The following NLN variants were observed in gnomAD, a reference collection of about 807,000 sequenced individuals.
The protein encoded by NLN is neurolysin.
In NLN, 64 loss-of-function variants were observed where a neutral mutation model predicts 79.9. That is an observed-to-expected ratio of 0.80 (90% CI 0.65 to 0.99). NLN has a LOEUF of 0.99. NLN is among the 50% of genes least tolerant of loss of function. The pLI is 0.00. For synonymous variants in NLN, 267 were observed against 296.6 expected (o/e 0.90, Z 1.02); for missense variants, 835 against 858.7 (o/e 0.97, Z 0.34).
chr5:65,790,791 G>C (rs939810328), intron 8 of NLN, among the ~76,000 whole-genome samples: 2 of 151,988 alleles, frequency 1.3e-5, no homozygotes, highest in Non-Finnish European at 2.9e-5. Context: ...AAAGTATCAG[G>C]ATATAGTTTT....
rs774696374 is a variant in NLN at position 65,792,626 on chromosome 5, G to A, written c.1498G>A (p.Gly500Ser). 10 of 1,613,968 alleles carry A rather than the reference G, an allele frequency of 6.2e-6. No homozygotes were observed. The highest frequency in any genetic ancestry group is 8.5e-6 in the Non-Finnish European group (10 of 1,179,912). ...DEVRTYFHEF[G>S]HVMHQICAQT... ...GGTGAGGACTTACTTTCATGAGTTT[G>A]GTCACGTGATGCATCAGATTTGTGC... Residue 500 changes from glycine (G) to serine (S), a missense_variant, in exon 9 of 13, where the codon GGT (glycine) becomes AGT (serine). Gly to Ser is a moderately conservative substitution (Grantham distance 56, BLOSUM62 0). Coordinates refer to ENST00000380985, the MANE Select transcript of NLN (RefSeq NM_020726.5).
chr5:65,752,051 G>A (rs1759113755), intron 1 of NLN, among the ~76,000 whole-genome samples: 2 of 151,986 alleles, frequency 1.3e-5, no homozygotes, highest in South Asian at 4.1e-4. Context: ...ACCATCCTGG[G>A]CAACATGGGA....
intron 6 of NLN, among the ~76,000 whole-genome samples, 160 bp from the exon 7 acceptor site, chr5:65,785,615 A>AAAAAGCCTAT (rs1449296087): frequency 6.6e-6 from 1 of 151,884 alleles, no homozygotes; most frequent in African/African-American, 2.4e-5. Context: ...CAAAAAAAAA[A>AAAAAGCCTAT]AAAAAAGCCT....
intron 6 of NLN, among the ~76,000 whole-genome samples, chr5:65,783,170 G>A (rs1001412414): frequency 2.6e-5 from 4 of 152,156 alleles, no homozygotes; most frequent in African/African-American, 9.7e-5. Flanking sequence ...GGAGTTAATG[G>A]TTACAGAGTT....
At chr5:65,778,787 C>T (rs1053783657) in intron 4 of NLN, among the ~76,000 whole-genome samples, 1 of 152,100 alleles carries the variant, frequency 6.6e-6, no homozygotes, top group Admixed American at 6.6e-5. Context: ...TCCTTTCATT[C>T]CTAAAATGGC....
intron 1 of NLN, among the ~76,000 whole-genome samples, chr5:65,743,601 TTA>T (rs1172757107): frequency 1.3e-5 from 2 of 152,210 alleles, no homozygotes; most frequent in African/African-American, 4.8e-5. Flanking sequence ...AGTTCTAAGG[TTA>T]TGTCTGTATG....
At position 65,724,322 on chromosome 5, in the gene NLN, TC is replaced by T. The variant is rs1284630840; in HGVS notation, c.41+1911del. Among the ~76,000 whole-genome samples, 3 of 152,188 alleles carry T rather than the reference TC, an allele frequency of 2.0e-5. No homozygotes were observed. The South Asian group carries it at 6.2e-4, about 31-fold the overall frequency. The stretch of plus-strand genomic sequence containing the variant: ...TCTCTATGAATTTGAGTATTTCAGG[TC>T]CCTTATATAAGTGGAATTAGACAAT... On this transcript the variant is annotated intron_variant, in intron 1 of 12. Coordinates refer to ENST00000380985, the MANE Select transcript of NLN (RefSeq NM_020726.5).
chr5:65,773,065 G>A (rs998529547), intron 3 of NLN, among the ~76,000 whole-genome samples: 7 of 147,904 alleles, frequency 4.7e-5, no homozygotes, highest in Non-Finnish European at 1.0e-4. Context: ...TGATCCTCCC[G>A]CCTTGTCCTC....
In NLN at chr5:65,780,908, A is replaced by G. The variant is rs548402701; in HGVS notation, c.662-353A>G. 9.7e-4 allele frequency among the ~76,000 whole-genome samples: 147 copies of G among 152,196 alleles called. 2 individuals carry two copies. Among genetic ancestry groups the G allele is most frequent in the Non-Finnish European group, 1.2e-4 (8 of 67,992 alleles). The stretch of plus-strand genomic sequence containing the variant: ...AGAATGGTCTCGATTTCTTGACCTC[A>G]TGATCCACCCACTTCAGCCTCCCAA... On this transcript the variant is annotated intron_variant, in intron 5 of 12. Transcript: ENST00000380985.
At chr5:65,798,355 T>G (rs753012523) in intron 9 of NLN, among the ~76,000 whole-genome samples, 2 of 152,238 alleles carry the variant, frequency 1.3e-5, no homozygotes, top group Non-Finnish European at 2.9e-5. Context: ...TCCCATTCCA[T>G]GCACTGGAGA....
intron 1 of NLN, among the ~76,000 whole-genome samples, chr5:65,724,463 A>G (rs925342157): frequency 3.3e-5 from 5 of 152,204 alleles, no homozygotes; most frequent in East Asian, 1.9e-4. Context: ...GTATGTATAT[A>G]CCACATTTTG....
In NLN at chr5:65,730,257, C is replaced by T. The variant is rs550294302; in HGVS notation, c.41+7843C>T. 6.6e-5 allele frequency among the ~76,000 whole-genome samples: 10 copies of T among 152,088 alleles called. No homozygotes were observed. The South Asian group carries it at 1.2e-3, about 19-fold the overall frequency. The stretch of plus-strand genomic sequence containing the variant: ...AATGGGAAAGGGGAATGCTCAGTAC[C>T]GATAGGAAGGAAATTGTAGAGTCAA... On this transcript the variant is annotated intron_variant, in intron 1 of 12. Transcript: ENST00000380985.
rs1197012672 is a variant in NLN, at chr5:65,807,438, A to AT, written c.1528-2065dup. Among the ~76,000 whole-genome samples, 754 of 143,896 alleles carry AT rather than the reference A, an allele frequency of 5.2e-3. 4 individuals carry two copies. The highest frequency in any genetic ancestry group is 0.016 in the African/African-American group (629 of 39,434). The allele number at this position is 143,896 out of a possible 152,430, so 94.4% of individuals were successfully genotyped here. On this transcript the variant is annotated intron_variant, in intron 9 of 12. Coordinates refer to ENST00000380985, the MANE Select transcript of NLN (RefSeq NM_020726.5). ...GTCTTTGTGGGTGTTTTTGGTTTTG[A>AT]TTTTTTTTTTTTCTTTTTTTGAGAC...
rs1760943810 is a variant in NLN, at chr5:65,827,589, GC to G, written c.*4675del. On this transcript the variant is annotated 3_prime_UTR_variant, in exon 13 of 13. Coordinates refer to ENST00000380985, the MANE Select transcript of NLN (RefSeq NM_020726.5). ...GCTATTGAAACAGTCTGAGATAGTT[GC>G]ATGATGATTAACGTTAAACTGGGAG... is the stretch of plus-strand genomic sequence containing the variant. 2 of 152,136 alleles carry G rather than the reference GC, an allele frequency of 1.3e-5. No individual in the cohort carries two copies. Among genetic ancestry groups the G allele is most frequent in the Admixed American group, 6.5e-5 (1 of 15,272 alleles). The allele number at this position is 152,136 out of a possible 1,614,324, so 9.4% of individuals were successfully genotyped here. A position where few individuals can be genotyped will look rare whatever the true frequency, so the allele number is the denominator to read the frequency against.
In NLN at chr5:65,788,125, A is replaced by C. The variant is rs201553806; in HGVS notation, c.966A>C (p.Leu322Phe). ...TSRVTAFLDD[L>F]SQKLKPLGEA... ...TTTTCCTTTTCCTTACAGATGATTT[A>C]AGCCAGAAGTTAAAACCCTTGGGTG... Residue 322 changes from leucine to phenylalanine, a missense_variant, in exon 8 of 13, where the codon TTA (leucine) becomes TTC (phenylalanine). Physicochemically the swap from Leu to Phe is conservative, Grantham distance 22 (BLOSUM62 0). Coordinates refer to ENST00000380985, the MANE Select transcript of NLN (RefSeq NM_020726.5). 230 of 1,611,740 alleles carry C rather than the reference A, an allele frequency of 1.4e-4. No individual in the cohort carries two copies. The East Asian group carries it at 4.8e-3, about 34-fold the overall frequency.
chr5:65,759,906 T>C (rs1030901770), intron 2 of NLN, among the ~76,000 whole-genome samples: 1 of 152,216 alleles, frequency 6.6e-6, no homozygotes, highest in Non-Finnish European at 1.5e-5. Context: ...ATTATTTTTA[T>C]AACATATTAG....
At chr5:65,746,594 A>G (rs1579918664) in intron 1 of NLN, among the ~76,000 whole-genome samples, 1 of 152,190 alleles carries the variant, frequency 6.6e-6, no homozygotes, top group African/African-American at 2.4e-5. Context: ...AGGAAGAAAT[A>G]GTGGTGTCTA....
rs916688456 is a variant in NLN at position 65,812,380 on chromosome 5, A to G, written c.1969A>G (p.Met657Val). 2 of 1,541,998 alleles carry G rather than the reference A, an allele frequency of 1.3e-6. No individual in the cohort carries two copies. Among genetic ancestry groups the G allele is most frequent in the Non-Finnish European group, 1.8e-6 (2 of 1,115,286 alleles). Residue 657 changes from methionine (M) to valine (V), a missense_variant, in exon 12 of 13, where the codon ATG becomes GTG. Met to Val is a conservative substitution (Grantham distance 21). Coordinates refer to ENST00000380985, the MANE Select transcript of NLN (RefSeq NM_020726.5). ...FYSCFKKEGI[M>V]NPEVGMKYRN... ...CAGCTGTTTTAAAAAAGAAGGGATA[A>G]TGAATCCAGAGGTATAGTATTATTT...
intron 4 of NLN, among the ~76,000 whole-genome samples, chr5:65,779,244 G>A (rs1173519147): frequency 6.6e-5 from 10 of 152,122 alleles, no homozygotes; most frequent in Non-Finnish European, 1.0e-4. Flanking sequence ...AAGAATTTGC[G>A]TTTCTAACAA....
Sources: gnomAD v4.1 joint callset for allele counts (sites outside exome capture counted in the v4.1 genomes callset) on GRCh38, gnomAD v4.1.1 for gene constraint, MANE v1.5 for transcripts, NCBI Gene and HGNC (gene_info 2026-07-23, HGNC 2026-07-21) for gene names.